TSC2: variants seen among roughly 807,000 people sequenced by gnomAD.
The protein encoded by TSC2 is TSC complex subunit 2.
In TSC2, 29 loss-of-function variants were observed where a neutral mutation model predicts 202.2. That is an observed-to-expected ratio of 0.14 (90% confidence interval 0.11 to 0.20). TSC2 has a LOEUF of 0.20. Ranked by LOEUF, TSC2 falls within the 10% of genes least tolerant of loss-of-function variation. The probability of loss-of-function intolerance (pLI) is 1.00; values close to 1 mark genes in which losing one functional copy is unlikely to be tolerated. For synonymous variants in TSC2, 1,349 were observed against 1,044.0 expected, an observed-to-expected ratio of 1.29 and a Z score of -5.63; for missense variants, 2,429 against 2,420.0, an observed-to-expected ratio of 1.00 and a Z score of -0.08.
chr16:2,084,355 C>G lies in TSC2; in HGVS notation c.4133C>G (p.Pro1378Arg), dbSNP rs1596416159. The G allele has an allele frequency of 6.2e-7, 1 of 1,612,692 alleles. No individual in the cohort carries two copies. The highest frequency in any genetic ancestry group is 8.5e-7 in the Non-Finnish European group (1 of 1,179,990). Reference sequence around the variant, plus strand: ...CCCTCTGTGGACCTCTCCTTCCAGCCCTCGCAGCCCCTGAGCAAGTCCAGC... The same window carrying G: ...CCCTCTGTGGACCTCTCCTTCCAGCGCTCGCAGCCCCTGAGCAAGTCCAGC... ...GRPSVDLSFQ[P>R]SQPLSKSSSS... The change falls in exon 34 of 42, where the codon CCC becomes CGC. Residue 1378 changes from proline (P) to arginine (R), a missense_variant. Physicochemically the swap from Pro to Arg is moderately radical, Grantham distance 103. Coordinates refer to ENST00000219476, the MANE Select transcript of TSC2 (RefSeq NM_000548.5).
In TSC2 at chr16:2,060,768, G is replaced by C. The variant is rs1229561585; in HGVS notation, c.1074G>C (p.Trp358Cys). ...KYRKELQVVAWDILLNIIERL... is the reference protein window; with the variant it reads ...KYRKELQVVACDILLNIIERL... ...GGAAGGAGCTCCAGGTGGTGGCGTG[G>C]GACATTCTGCTGAACATCATCGAAC... Residue 358 changes from tryptophan to cysteine, a missense_variant, in exon 11 of 42, where the codon TGG (tryptophan) becomes TGC (cysteine). Coordinates refer to ENST00000219476, the MANE Select transcript of TSC2 (RefSeq NM_000548.5). 2 of 1,613,940 alleles carry C rather than the reference G, an allele frequency of 1.2e-6. No homozygotes were observed. Among genetic ancestry groups the C allele is most frequent in the Non-Finnish European group, 8.5e-7 (1 of 1,179,912 alleles).
intron 14 of TSC2, chr16:2,063,278 G>T (rs1439942357): frequency 6.4e-6 from 4 of 628,370 alleles, no homozygotes; most frequent in Admixed American, 5.0e-5. Flanking sequence ...AGCAAGGAAG[G>T]CACAGTGCCT....
At chr16:2,087,264 G>A in intron 38 of TSC2, 1 of 360,354 alleles carries the variant, frequency 2.8e-6, no homozygotes, top group South Asian at 2.2e-5. Flanking sequence ...CTTCCTGGAG[G>A]TGGGCTGGGT....
At chr16:2,082,004 C>A in intron 31 of TSC2, 1 of 739,980 alleles carries the variant, frequency 1.4e-6, no homozygotes, top group Non-Finnish European at 2.3e-6. Flanking sequence ...GGGCTGGCAG[C>A]TTCAGAAGCA....
Position 2,087,277 on chromosome 16 carries a change from G to A in TSC2, c.4989+406G>A, listed in dbSNP as rs28602487. On this transcript the variant is annotated intron_variant, in intron 38 of 41. Transcript: ENST00000219476. ...CTCTTCCTGGAGGTGGGCTGGGTCG[G>A]CCAGTGTCACAGCACGGTCCGGGTG... 3.6e-3 allele frequency: 1,276 copies of A among 356,762 alleles called. 11 individuals are homozygous for A. Among genetic ancestry groups the A allele is most frequent in the African/African-American group, 0.025 (1,188 of 47,258 alleles). The allele number at this position is 356,762 out of a possible 1,614,324, so 22.1% of individuals were successfully genotyped here. A position where few individuals can be genotyped will look rare whatever the true frequency, so the allele number is the denominator to read the frequency against.
intron 16 of TSC2, chr16:2,066,483 A>G (rs956651793): frequency 6.6e-6 from 1 of 151,986 alleles, no homozygotes; most frequent in Non-Finnish European, 1.5e-5. Flanking sequence ...TTCTCCTACG[A>G]GGGCTCCGCC....
intron 17 of TSC2, among the ~76,000 whole-genome samples, chr16:2,070,814 C>T (rs2088201471): frequency 6.6e-6 from 1 of 152,230 alleles, no homozygotes; most frequent in Non-Finnish European, 1.5e-5. Context: ...TGGGTTGGGG[C>T]AGAGAAAAGG....
chr16:2,053,554 G>T, intron 4 of TSC2, 102 bp downstream of exon 4: 1 of 1,207,680 alleles, frequency 8.3e-7, no homozygotes, highest in Non-Finnish European at 1.2e-6. Flanking sequence ...TGAGTTGCTG[G>T]GCACAGGGTC....
rs1189784704 is a variant in TSC2, at chr16:2,084,594, C to A, written c.4372C>A (p.Pro1458Thr). The part of the protein sequence containing the change: ...SSPRSPSGLR[P>T]RGYTISDSAP... ...CCCCCGCTCGCCCAGTGGCCTCCGGCCCCGAGGTTACACCATCTCCGACTC... is the reference window on the plus strand; with the variant it reads ...CCCCCGCTCGCCCAGTGGCCTCCGGACCCGAGGTTACACCATCTCCGACTC... The change falls in exon 34 of 42, where the codon CCC becomes ACC. Residue 1458 changes from proline to threonine, a missense_variant. By Grantham distance (38) the Pro-to-Thr change is conservative. Coordinates refer to ENST00000219476, the MANE Select transcript of TSC2 (RefSeq NM_000548.5). The A allele has an allele frequency of 3.7e-6, 6 of 1,604,558 alleles. No individual in the cohort carries two copies. Among genetic ancestry groups the A allele is most frequent in the Non-Finnish European group, 5.1e-6 (6 of 1,179,716 alleles).
At chr16:2,083,075 G>C (rs1261972995) in intron 32 of TSC2, 1 of 454,904 alleles carries the variant, frequency 2.2e-6, no homozygotes, top group East Asian at 6.9e-5. Context: ...GACGGGCCCT[G>C]GGGTGGCTGA....
At chr16:2,073,422 G>A (rs1052645025) in intron 21 of TSC2, among the ~76,000 whole-genome samples, 13 of 152,228 alleles carry the variant, frequency 8.5e-5, no homozygotes, top group African/African-American at 2.9e-4. Flanking sequence ...CGTCCCAGTC[G>A]CATTCTTCCA....
intron 31 of TSC2, 84 bp from the exon 32 acceptor site, chr16:2,082,352 C>T (rs1427485506): frequency 2.7e-6 from 4 of 1,504,220 alleles, no homozygotes; most frequent in South Asian, 1.1e-5. Flanking sequence ...CTCTCCTCTG[C>T]AGGCACGGGG....
intron 4 of TSC2, 136 bp downstream of exon 4, chr16:2,053,588 T>C (rs1425653978): frequency 3.3e-6 from 3 of 900,414 alleles, no homozygotes; most frequent in Non-Finnish European, 5.3e-6. Flanking sequence ...GCTCTGGAGC[T>C]GGATGGCCTG....
Position 2,065,732 on chromosome 16 carries a change from C to T in TSC2, c.1716+97C>T. On this transcript the variant is annotated intron_variant, in intron 16 of 41. Coordinates refer to ENST00000219476, the MANE Select transcript of TSC2 (RefSeq NM_000548.5). ...TGTTGGAGTCTGTTCCCCAGCGGGA[C>T]CCACACCCTCCCTGGATTTGCTGAG... 3.7e-6 allele frequency: 4 copies of T among 1,076,576 alleles called. No individual in the cohort carries two copies. In the Admixed American group the frequency reaches 5.1e-5, roughly 14 times the overall value. 66.7% of individuals were successfully genotyped at this position (1,076,576 alleles called of 1,614,324 possible).
At chr16:2,053,319 G>C (rs368243183) in intron 3 of TSC2, 23 bp from the exon 4 acceptor site, 1 of 1,559,428 alleles carries the variant, frequency 6.4e-7, no homozygotes, top group South Asian at 1.2e-5. Context: ...CATCCTCACC[G>C]CTGTCCCCTC....
chr16:2,070,145 C>G (rs1400539239), intron 16 of TSC2, among the ~76,000 whole-genome samples: 1 of 152,114 alleles, frequency 6.6e-6, no homozygotes, highest in East Asian at 1.9e-4. Flanking sequence ...GCTGCCTACA[C>G]CTGGGATCGC....
Position 2,071,944 on chromosome 16 carries a change from G to A in TSC2, c.2097+10G>A, listed in dbSNP as rs1596345324. The A allele has an allele frequency of 2.6e-6, 4 of 1,566,278 alleles. No homozygotes were observed. The highest frequency in any genetic ancestry group is 3.5e-6 in the Non-Finnish European group (4 of 1,155,004). ...GCAGTGCTTGAAGCAGGTGAGTGGG[G>A]CCGGGCAGGGACCATCCGTCCCACG... On this transcript the variant is annotated intron_variant, in intron 19 of 41. Coordinates refer to ENST00000219476, the MANE Select transcript of TSC2 (RefSeq NM_000548.5).
At chr16:2,054,491 A>G (rs2151046223) in intron 5 of TSC2, 51 bp downstream of exon 5, 1 of 1,612,392 alleles carries the variant, frequency 6.2e-7, no homozygotes, top group Non-Finnish European at 8.5e-7. Context: ...GATCAAGTGT[A>G]ACCTGGATGG....
At chr16:2,063,707 T>C (rs1382102233) in intron 14 of TSC2, 1 of 228,900 alleles carries the variant, frequency 4.4e-6, no homozygotes, top group Non-Finnish European at 8.7e-6. Flanking sequence ...CGATCCCGCA[T>C]TCTGTCTGAG....
Sources: allele counts gnomAD v4.1 joint callset (sites outside exome capture counted in the v4.1 genomes callset), GRCh38; gene constraint gnomAD v4.1.1; transcripts MANE v1.5; gene names NCBI Gene and HGNC (gene_info 2026-07-23, HGNC 2026-07-21).